Variants in FEZ2 observed in about 807,000 individuals in gnomAD.
FEZ2 encodes the protein fasciculation and elongation protein zeta-2.
Under a neutral mutation model 40.4 loss-of-function variants are expected in FEZ2, and 51 were observed. The observed-to-expected ratio is 1.26, with a 90% CI of 1.01 to 1.59. The LOEUF (loss-of-function observed/expected upper bound fraction) is 1.59, where lower values mean the gene tolerates loss of function less well. FEZ2 is among the 40% of genes most tolerant of loss of function. The probability of loss-of-function intolerance (pLI) is 0.00; values close to 1 mark genes in which losing one functional copy is unlikely to be tolerated. For synonymous variants in FEZ2, 242 were observed against 172.0 expected (o/e 1.41, Z -3.18); for missense variants, 640 against 438.3 (o/e 1.46, Z -4.11).
rs1354323196 is a variant in FEZ2 at position 36,555,758 on chromosome 2, A to T, written c.980-10T>A. On this transcript the variant is annotated splice_polypyrimidine_tract_variant and intron_variant, in intron 6 of 7. Coordinates refer to ENST00000405912, the MANE Select transcript of FEZ2 (RefSeq NM_005102.3). ...TTCATGGCACGAAGAACTGCAAAAT[A>T]GAAGAGGGGAAAAAAGACAACAATT... 4 of 1,514,050 alleles carry T rather than the reference A, an allele frequency of 2.6e-6. No individual in the cohort carries two copies. The highest frequency in any genetic ancestry group is 2.7e-6 in the Non-Finnish European group (3 of 1,112,918). The allele number at this position is 1,514,050 out of a possible 1,614,324, so 93.8% of individuals were successfully genotyped here.
chr2:36,597,836 G>C, intron 1 of FEZ2, 41 bp downstream of exon 1: 1 of 1,316,876 alleles, frequency 7.6e-7, no homozygotes, highest in Non-Finnish European at 9.7e-7. Context: ...CGAGGGGTAG[G>C]GGAGGCTCCC....
intron 1 of FEZ2, among the ~76,000 whole-genome samples, chr2:36,593,578 T>C (rs1669131549): frequency 6.6e-6 from 1 of 152,104 alleles, no homozygotes; most frequent in African/African-American, 2.4e-5. Context: ...GCCTGAGCTG[T>C]ACTCTCGCCC....
chr2:36,596,750 G>C (rs1364348084), intron 1 of FEZ2, among the ~76,000 whole-genome samples: 1 of 152,130 alleles, frequency 6.6e-6, no homozygotes, highest in Non-Finnish European at 1.5e-5. Flanking sequence ...TCACAGGTGT[G>C]AGCCACCGCG....
At chr2:36,557,806 A>AT (rs1187709909) in intron 6 of FEZ2, 1 of 152,182 alleles carries the variant, frequency 6.6e-6, no homozygotes, top group Non-Finnish European at 1.5e-5. Context: ...TGCGGCCATC[A>AT]TAAGAGATAC....
chr2:36,555,091 T>C (rs932540343), intron 7 of FEZ2, among the ~76,000 whole-genome samples: 1 of 152,222 alleles, frequency 6.6e-6, no homozygotes, highest in Non-Finnish European at 1.5e-5. Context: ...ACTCAACCTC[T>C]CACTCTTCTT....
chr2:36,585,506 G>A, intron 2 of FEZ2, among the ~76,000 whole-genome samples: 3 of 152,178 alleles, frequency 2.0e-5, no homozygotes, highest in Middle Eastern at 6.8e-3. Context: ...GGGAGAGGTG[G>A]GTGGGGAGGG....
Position 36,552,260 on chromosome 2 carries a change from T to G in FEZ2, c.*903A>C. 2.2e-6 allele frequency: 1 copy of G among 451,580 alleles called. No homozygotes were observed. The highest frequency in any genetic ancestry group is 4.5e-6 in the Non-Finnish European group (1 of 221,160). 28.0% of individuals were successfully genotyped at this position (451,580 alleles called of 1,614,324 possible). ...AATATAAGGCTCTCAAACATGTATT[T>G]TTACTTCTTAAAAAATTTATTAAAT... On this transcript the variant is annotated 3_prime_UTR_variant, in exon 8 of 8. Coordinates refer to ENST00000405912, the MANE Select transcript of FEZ2 (RefSeq NM_005102.3).
chr2:36,596,056 T>C (rs779430978), intron 1 of FEZ2, among the ~76,000 whole-genome samples: 2 of 152,182 alleles, frequency 1.3e-5, no homozygotes, highest in African/African-American at 4.8e-5. Flanking sequence ...AGTATCTAAA[T>C]CTACATATAC....
At chr2:36,593,872 G>C (rs1385057439) in intron 1 of FEZ2, among the ~76,000 whole-genome samples, 1 of 151,658 alleles carries the variant, frequency 6.6e-6, no homozygotes, top group African/African-American at 2.4e-5. Context: ...GCATAGTCAG[G>C]CTGCAAATTT....
At chr2:36,585,808 A>G (rs1668884037) in intron 2 of FEZ2, among the ~76,000 whole-genome samples, 2 of 152,220 alleles carry the variant, frequency 1.3e-5, no homozygotes, top group African/African-American at 4.8e-5. Flanking sequence ...TTGGGAGGGT[A>G]TAGTGTCAGG....
intron 1 of FEZ2, among the ~76,000 whole-genome samples, chr2:36,592,141 G>A (rs1181094149): frequency 1.3e-5 from 2 of 152,124 alleles, no homozygotes; most frequent in East Asian, 1.9e-4. Flanking sequence ...TATACACAAA[G>A]ATGTCATGTA....
chr2:36,556,902 T>C (rs1340469675), intron 6 of FEZ2: 1 of 152,200 alleles, frequency 6.6e-6, no homozygotes, highest in Non-Finnish European at 1.5e-5. Context: ...AGGGCTCTTC[T>C]TTTGGAAAGA....
At chr2:36,595,175 G>C (rs7560321) in intron 1 of FEZ2, among the ~76,000 whole-genome samples, 44,557 of 151,978 alleles carry the variant, frequency 0.29, 6,998 homozygotes, top group South Asian at 0.51. Context: ...GAAGTTAAAT[G>C]AAGTGCCAAG....
intron 2 of FEZ2, among the ~76,000 whole-genome samples, chr2:36,586,103 G>A (rs1668891557): frequency 6.6e-6 from 1 of 152,064 alleles, no homozygotes. Flanking sequence ...AAGAGACTAG[G>A]CTCTTGATGA....
At chr2:36,579,077 G>A in intron 4 of FEZ2, 1 of 482,916 alleles carries the variant, frequency 2.1e-6, no homozygotes, top group Non-Finnish European at 3.6e-6. Flanking sequence ...AAGTGGGCAG[G>A]TGAGTCACTT....
rs562087595 is a variant in FEZ2 at position 36,560,937 on chromosome 2, A to T, written c.904-2424T>A. The T allele has an allele frequency of 5.5e-5, 49 of 898,060 alleles. No homozygotes were observed. The African/African-American group carries it at 7.1e-4, about 13-fold the overall frequency. 55.6% of individuals were successfully genotyped at this position (898,060 alleles called of 1,614,324 possible). A position where few individuals can be genotyped will look rare whatever the true frequency, so the allele number is the denominator to read the frequency against. ...GTTCAAAGTCTATTAGTAAGAATGT[A>T]CCATGATGACTTATGTGCCCAAGAG... is the stretch of plus-strand genomic sequence containing the variant. On this transcript the variant is annotated intron_variant, in intron 5 of 7. Transcript: ENST00000405912.
At chr2:36,574,047 G>A (rs1668494240) in intron 5 of FEZ2, among the ~76,000 whole-genome samples, 1 of 152,164 alleles carries the variant, frequency 6.6e-6, no homozygotes, top group South Asian at 2.1e-4. Context: ...TAGGAAAATG[G>A]TAACTTTGGT....
intron 2 of FEZ2, among the ~76,000 whole-genome samples, chr2:36,586,335 A>C (rs953833146): frequency 6.6e-6 from 1 of 152,174 alleles, no homozygotes. Context: ...TAAAAGTTTT[A>C]ATTTTAAAAT....
chr2:36,553,435 G>A (rs1558437934), intron 7 of FEZ2, among the ~76,000 whole-genome samples: 1 of 152,110 alleles, frequency 6.6e-6, no homozygotes, highest in Non-Finnish European at 1.5e-5. Context: ...GGAGATAGAA[G>A]CCCCTAACAT....
Sources: allele counts gnomAD v4.1 joint callset (sites outside exome capture counted in the v4.1 genomes callset), GRCh38; gene constraint gnomAD v4.1.1; transcripts MANE v1.5; gene names NCBI Gene and HGNC (gene_info 2026-07-23, HGNC 2026-07-21).